MACROD2: variants seen among roughly 807,000 people sequenced by gnomAD.
MACROD2 encodes mono-ADP ribosylhydrolase 2, also known as ADP-ribose glycohydrolase MACROD2.
MACROD2 carries 36 observed loss-of-function variants against 70.4 expected under a neutral mutation model. The ratio of observed to expected loss-of-function variants is 0.51; its 90% CI spans 0.39 to 0.68. The LOEUF (loss-of-function observed/expected upper bound fraction) is 0.68, where lower values mean the gene tolerates loss of function less well. Among genes scored for constraint, MACROD2 ranks in the 30% least tolerant of loss-of-function variants. The pLI, the probability that MACROD2 is intolerant of heterozygous loss-of-function variation, is 0.00. For missense variants in MACROD2, 496 were observed against 538.4 expected (o/e 0.92, Z 0.78); for synonymous variants, 172 against 178.8 (o/e 0.96, Z 0.30).
intron 8 of MACROD2, among the ~76,000 whole-genome samples, chr20:15,763,654 G>C (rs2051474596): frequency 1.3e-5 from 2 of 149,572 alleles, no homozygotes; most frequent in Non-Finnish European, 2.9e-5. Context: ...AATATGGACA[G>C]AAATCAGATC....
chr20:14,715,411 T>C (rs1478541247), intron 5 of MACROD2, among the ~76,000 whole-genome samples: 3 of 152,206 alleles, frequency 2.0e-5, no homozygotes. Flanking sequence ...CCTCAGCTAT[T>C]GGCAACATTA....
At position 14,560,825 on chromosome 20, in the gene MACROD2, G is replaced by A. The variant is rs551688021; in HGVS notation, c.301+67317G>A. On this transcript the variant is annotated intron_variant, in intron 4 of 17. Coordinates refer to ENST00000684519, the MANE Select transcript of MACROD2 (RefSeq NM_001351661.2). ...ATTTATTTCCAAGGTTTATATAACA[G>A]TAAATAAACTAATAAAATATATTGA... is the stretch of plus-strand genomic sequence containing the variant. Among the ~76,000 whole-genome samples, 3 of 151,886 alleles carry A rather than the reference G, an allele frequency of 2.0e-5. No individual in the cohort carries two copies. In the East Asian group the frequency reaches 5.8e-4, roughly 29 times the overall value.
intron 4 of MACROD2, among the ~76,000 whole-genome samples, chr20:14,584,918 T>C (rs1452053189): frequency 6.6e-6 from 1 of 152,198 alleles, no homozygotes. Flanking sequence ...TGCATGATTC[T>C]TCCCTGGGGT....
chr20:14,941,648 A>G (rs539817271), intron 5 of MACROD2, among the ~76,000 whole-genome samples: 14 of 152,260 alleles, frequency 9.2e-5, no homozygotes, highest in Admixed American at 8.5e-4. Flanking sequence ...CTGGTAAAAA[A>G]CTAGGTGCTA....
In MACROD2 at chr20:15,616,034, G is replaced by T. The variant is rs544309519; in HGVS notation, c.645+116187G>T. 1.7e-3 allele frequency among the ~76,000 whole-genome samples: 254 copies of T among 151,680 alleles called. 1 individual carries two copies. Among genetic ancestry groups the T allele is most frequent in the Non-Finnish European group, 3.0e-3 (203 of 67,952 alleles). ...GTATTTGTTATGAGTAAAAGTGAGG[G>T]CAGCCTCCTAGGTATACACCCCTGG... On this transcript the variant is annotated intron_variant, in intron 8 of 17. Transcript: ENST00000684519.
At chr20:14,497,188 C>G (rs929720922) in intron 4 of MACROD2, among the ~76,000 whole-genome samples, 1 of 151,744 alleles carries the variant, frequency 6.6e-6, no homozygotes, top group South Asian at 2.1e-4. Context: ...TCACAAGTCT[C>G]AAGATCTACT....
intron 17 of MACROD2, among the ~76,000 whole-genome samples, chr20:16,048,731 G>T (rs907307963): frequency 1.3e-5 from 2 of 150,410 alleles, no homozygotes; most frequent in African/African-American, 2.5e-5. Flanking sequence ...ATATAAAATG[G>T]TTCAGCCACT....
chr20:14,118,353 ATAAT>A (rs907526897), intron 3 of MACROD2, among the ~76,000 whole-genome samples: 2 of 152,228 alleles, frequency 1.3e-5, no homozygotes, highest in Non-Finnish European at 2.9e-5. Context: ...TGAGTGTCAA[ATAAT>A]TAATTTGATT....
At chr20:15,275,478 T>C (rs1414467074) in intron 6 of MACROD2, among the ~76,000 whole-genome samples, 1 of 152,232 alleles carries the variant, frequency 6.6e-6, no homozygotes, top group Admixed American at 6.5e-5. Flanking sequence ...CAAATCTTGC[T>C]GTGCACCCGG....
At chr20:15,268,462 C>G (rs183839051) in intron 6 of MACROD2, among the ~76,000 whole-genome samples, 1 of 152,092 alleles carries the variant, frequency 6.6e-6, no homozygotes, top group African/African-American at 2.4e-5. Flanking sequence ...CCCAGCCTGG[C>G]CAAGATGGTG....
At chr20:15,700,360 G>T (rs756091750) in intron 8 of MACROD2, among the ~76,000 whole-genome samples, 4 of 152,162 alleles carry the variant, frequency 2.6e-5, no homozygotes, top group African/African-American at 4.8e-5. Flanking sequence ...GCAAGGACGC[G>T]GCACTGGCGA....
At chr20:15,098,130 C>T (rs576085341) in intron 5 of MACROD2, among the ~76,000 whole-genome samples, 47 of 152,188 alleles carry the variant, frequency 3.1e-4, no homozygotes, top group Middle Eastern at 3.4e-3. Context: ...TTTCATGGCA[C>T]GAGATGCATG....
chr20:14,536,537 A>G (rs2123220822), intron 4 of MACROD2, among the ~76,000 whole-genome samples: 1 of 152,200 alleles, frequency 6.6e-6, no homozygotes, highest in East Asian at 1.9e-4. Flanking sequence ...AAATGCAAGG[A>G]ATCTTTAGGA....
intron 5 of MACROD2, among the ~76,000 whole-genome samples, chr20:14,863,101 C>G (rs1233482899): frequency 6.6e-6 from 1 of 152,014 alleles, no homozygotes; most frequent in Non-Finnish European, 1.5e-5. Context: ...ATCAGTAAAG[C>G]AGAAGCAAAT....
At chr20:15,594,783 A>G (rs1223658676) in intron 8 of MACROD2, among the ~76,000 whole-genome samples, 11 of 152,328 alleles carry the variant, frequency 7.2e-5, no homozygotes, top group Admixed American at 2.0e-4. Context: ...AGAAGTTTTC[A>G]TACCTTTTCT....
At chr20:15,304,023 A>G (rs1291126609) in intron 6 of MACROD2, among the ~76,000 whole-genome samples, 1 of 152,148 alleles carries the variant, frequency 6.6e-6, no homozygotes, top group African/African-American at 2.4e-5. Context: ...TCATTTTCAC[A>G]ATTCTTCTTG....
At chr20:14,024,894 G>A (rs868644186) in intron 2 of MACROD2, among the ~76,000 whole-genome samples, 79 of 152,300 alleles carry the variant, frequency 5.2e-4, no homozygotes, top group African/African-American at 1.8e-3. Flanking sequence ...CATAAAATGA[G>A]TTAGGGAGAG....
At chr20:15,873,801 C>T (rs751125676) in intron 9 of MACROD2, among the ~76,000 whole-genome samples, 1 of 151,858 alleles carries the variant, frequency 6.6e-6, no homozygotes, top group Non-Finnish European at 1.5e-5. Context: ...GAGGTTAAAC[C>T]AAAAACTCAA....
At chr20:15,057,221 G>C (rs958656645) in intron 5 of MACROD2, among the ~76,000 whole-genome samples, 1 of 152,174 alleles carries the variant, frequency 6.6e-6, no homozygotes, top group African/African-American at 2.4e-5. Flanking sequence ...TTCTTTACAT[G>C]ATAGGATATA....
Sources: gnomAD v4.1 joint callset for allele counts (sites outside exome capture counted in the v4.1 genomes callset) on GRCh38, gnomAD v4.1.1 for gene constraint, MANE v1.5 for transcripts, NCBI Gene and HGNC (gene_info 2026-07-23, HGNC 2026-07-21) for gene names.